The following SARS1 variants were observed in gnomAD, a reference collection of about 807,000 sequenced individuals.
SARS1 encodes seryl-tRNA synthetase 1.
Under a neutral mutation model 63.7 loss-of-function variants are expected in SARS1, and 25 were observed. The observed-to-expected ratio is 0.39, with a 90% CI of 0.29 to 0.55. The LOEUF (loss-of-function observed/expected upper bound fraction) is 0.55. Among genes scored for constraint, SARS1 ranks in the 20% least tolerant of loss-of-function variants. The probability of loss-of-function intolerance (pLI) is 0.62; values close to 1 mark genes in which losing one functional copy is unlikely to be tolerated. For missense variants in SARS1, 417 were observed against 649.7 expected (o/e 0.64, Z 3.89); for synonymous variants, 231 against 243.5 (o/e 0.95, Z 0.48).
intron 1 of SARS1, among the ~76,000 whole-genome samples, chr1:109,223,450 G>T: frequency 6.6e-6 from 1 of 152,150 alleles, no homozygotes; most frequent in African/African-American, 2.4e-5. Context: ...CCTCAGATTG[G>T]TCTTTTCCTT....
chr1:109,215,577 T>G (rs1479201854), intron 1 of SARS1: 31 of 985,002 alleles, frequency 3.1e-5, no homozygotes, highest in Non-Finnish European at 3.7e-5. Flanking sequence ...TTGATAAAGG[T>G]TTGTTAGAGG....
At chr1:109,218,406 CTTTTTTTTT>C (rs34756917) in intron 1 of SARS1, among the ~76,000 whole-genome samples, 1 of 118,680 alleles carries the variant, frequency 8.4e-6, no homozygotes, top group Non-Finnish European at 1.7e-5. Context: ...AGATATTTTA[CTTTTTTTTT>C]TTTTTTTTTG....
At position 109,231,566 on chromosome 1, in the gene SARS1, C is replaced by T. The variant is rs1188380288; in HGVS notation, c.592-65C>T. On this transcript the variant is annotated intron_variant, in intron 5 of 10. Transcript: ENST00000234677. ...TCTTGGCCCAGGTGCCTTTAGGTGT[C>T]AGTTCTAGCTGAACATGATGGTGAC... 3 of 1,319,652 alleles carry T rather than the reference C, an allele frequency of 2.3e-6. No homozygotes were observed. The African/African-American group carries it at 4.5e-5, about 20-fold the overall frequency. 81.7% of individuals were successfully genotyped at this position (1,319,652 alleles called of 1,614,324 possible).
intron 4 of SARS1, 97 bp downstream of exon 4, chr1:109,229,669 G>T: frequency 7.9e-7 from 1 of 1,271,254 alleles, no homozygotes; most frequent in Non-Finnish European, 1.1e-6. Context: ...GGCATTGTCT[G>T]TCAGAAGCAG....
chr1:109,236,843 G>C (rs1207594396), intron 9 of SARS1: 4 of 1,602,948 alleles, frequency 2.5e-6, no homozygotes. Flanking sequence ...AGAACAAGTT[G>C]GAGGCTTCCC....
Position 109,237,920 on chromosome 1 carries a change from A to G in SARS1, c.*32A>G. 1.2e-6 allele frequency: 2 copies of G among 1,611,090 alleles called. No homozygotes were observed. The highest frequency in any genetic ancestry group is 2.2e-5 in the East Asian group (1 of 44,796). On this transcript the variant is annotated 3_prime_UTR_variant, in exon 11 of 11. Coordinates refer to ENST00000234677, the MANE Select transcript of SARS1 (RefSeq NM_006513.4). The surrounding 1 kb of genome is among the most constrained non-coding windows in gnomAD (Gnocchi z 4.1). ...CTGCCTCCCTATTTGCCAGGCTTTC[A>G]TTTCTGTCTGCTGAGATCTCAGAGC...
At chr1:109,223,481 C>A (rs1002143091) in intron 1 of SARS1, among the ~76,000 whole-genome samples, 6 of 152,212 alleles carry the variant, frequency 3.9e-5, no homozygotes, top group African/African-American at 1.4e-4. Flanking sequence ...GCTGGGGACA[C>A]CCTATTGTAG....
intron 1 of SARS1, chr1:109,215,646 G>A (rs781740546): frequency 6.6e-5 from 64 of 964,568 alleles, no homozygotes; most frequent in Admixed American, 1.2e-4. Flanking sequence ...AGTTTATGTA[G>A]TTTATGTTAT....
chr1:109,216,340 A>G (rs1021192006), intron 1 of SARS1: 1 of 985,166 alleles, frequency 1.0e-6, no homozygotes, highest in Non-Finnish European at 1.2e-6. Context: ...AGGTACCACT[A>G]GGGTTCCTTT....
chr1:109,237,103 A>T lies in SARS1; in HGVS notation c.1258-141A>T. On this transcript the variant is annotated intron_variant, in intron 9 of 10. Coordinates refer to ENST00000234677, the MANE Select transcript of SARS1 (RefSeq NM_006513.4). This position sits in a 1 kb window ranked among gnomAD's most constrained non-coding sequence, Gnocchi z 4.1. ...TACCAAATAATTCAAATTTAGAAAAAAGTTGCTAAGGGGTAGAACCCATCA... is the reference window on the plus strand; with the variant it reads ...TACCAAATAATTCAAATTTAGAAAATAGTTGCTAAGGGGTAGAACCCATCA... 11 of 1,348,548 alleles carry T rather than the reference A, an allele frequency of 8.2e-6. No homozygotes were observed. The highest frequency in any genetic ancestry group is 1.1e-5 in the Non-Finnish European group (11 of 995,770). 83.5% of individuals were successfully genotyped at this position (1,348,548 alleles called of 1,614,324 possible).
Position 109,214,680 on chromosome 1 carries a change from A to G in SARS1, c.136+552A>G. On this transcript the variant is annotated intron_variant, in intron 1 of 10. Coordinates refer to ENST00000234677, the MANE Select transcript of SARS1 (RefSeq NM_006513.4). This position sits in a 1 kb window ranked among gnomAD's most constrained non-coding sequence, Gnocchi z 4.6. ...TGACCCTGAAGCTTTTCGGAAGGCC[A>G]TCCCCCGACCTATGGGCATACCTTT... 2.0e-6 allele frequency: 2 copies of G among 985,652 alleles called. No individual in the cohort carries two copies. The highest frequency in any genetic ancestry group is 1.7e-5 in the African/African-American group (1 of 57,374). The allele number at this position is 985,652 out of a possible 1,614,324, so 61.1% of individuals were successfully genotyped here. A position where few individuals can be genotyped will look rare whatever the true frequency, so the allele number is the denominator to read the frequency against.
Position 109,214,998 on chromosome 1 carries a change from G to A in SARS1, c.136+870G>A. The A allele has an allele frequency of 1.0e-6, 1 of 985,472 alleles. No individual in the cohort carries two copies. The highest frequency in any genetic ancestry group is 1.2e-6 in the Non-Finnish European group (1 of 829,938). The allele number at this position is 985,472 out of a possible 1,614,324, so 61.0% of individuals were successfully genotyped here. On this transcript the variant is annotated intron_variant, in intron 1 of 10. Transcript: ENST00000234677. This position sits in a 1 kb window ranked among gnomAD's most constrained non-coding sequence, Gnocchi z 4.6. ...CAAGTACTTGTGATTTGATTTGTCT[G>A]ATGCAATAGGTCTGCAACCATCTGG...
At chr1:109,219,563 T>A (rs1207840598) in intron 1 of SARS1, among the ~76,000 whole-genome samples, 3 of 151,200 alleles carry the variant, frequency 2.0e-5, no homozygotes, top group South Asian at 2.1e-4. Context: ...CCCAGGCTGG[T>A]GTGCAGTGGC....
chr1:109,231,600 A>G lies in SARS1; in HGVS notation c.592-31A>G, dbSNP rs765661498. 19 of 1,382,158 alleles carry G rather than the reference A, an allele frequency of 1.4e-5. No individual in the cohort carries two copies. In the Admixed American group the frequency reaches 1.7e-4, roughly 13 times the overall value. 85.6% of individuals were successfully genotyped at this position (1,382,158 alleles called of 1,614,324 possible). On this transcript the variant is annotated intron_variant, in intron 5 of 10. Coordinates refer to ENST00000234677, the MANE Select transcript of SARS1 (RefSeq NM_006513.4). Reference sequence around the variant, plus strand: ...CTGAACATGATGGTGACAAGACCCAATCACATAGTACTGTGTCTCTGCTCC... The same window carrying G: ...CTGAACATGATGGTGACAAGACCCAGTCACATAGTACTGTGTCTCTGCTCC...
intron 6 of SARS1, among the ~76,000 whole-genome samples, chr1:109,233,084 A>G (rs1419041616): frequency 6.6e-6 from 1 of 152,236 alleles, no homozygotes; most frequent in Non-Finnish European, 1.5e-5. Context: ...ATGATCCAGC[A>G]TGGCAACCAT....
chr1:109,221,460 G>A (rs1474544037), intron 1 of SARS1, among the ~76,000 whole-genome samples: 1 of 152,094 alleles, frequency 6.6e-6, no homozygotes, highest in African/African-American at 2.4e-5. Flanking sequence ...TCATGCCAAA[G>A]GTTCCAGGCA....
chr1:109,219,063 G>A (rs1321423949), intron 1 of SARS1, among the ~76,000 whole-genome samples: 3 of 151,150 alleles, frequency 2.0e-5, no homozygotes, highest in Non-Finnish European at 4.4e-5. Flanking sequence ...TCAGGAGATC[G>A]AGACCATCCT....
intron 2 of SARS1, among the ~76,000 whole-genome samples, chr1:109,225,848 A>G (rs2101193272): frequency 6.6e-6 from 1 of 152,362 alleles, no homozygotes; most frequent in East Asian, 1.9e-4. Context: ...ATTATCAAAT[A>G]GCAAGGGAGC....
intron 1 of SARS1, among the ~76,000 whole-genome samples, chr1:109,221,996 ATATATATATATATATTTTTTTTTTTT>A (rs1654947330): frequency 8.2e-5 from 1 of 12,150 alleles, no homozygotes; most frequent in Non-Finnish European, 1.3e-4. Context: ...ATATATATAT[ATATATATATATATATTTTTTTTTTTT>A]TTTTTTTTTT....
Sources: gnomAD v4.1 joint callset for allele counts (sites outside exome capture counted in the v4.1 genomes callset) on GRCh38, gnomAD v4.1.1 for gene constraint, Gnocchi (gnomAD v3.1) non-coding constraint, MANE v1.5 for transcripts, NCBI Gene and HGNC (gene_info 2026-07-23, HGNC 2026-07-21) for gene names.